SIPA1L1: variants seen among roughly 807,000 people sequenced by gnomAD.
SIPA1L1 encodes the protein signal-induced proliferation-associated 1-like protein 1.
Under a neutral mutation model 162.7 loss-of-function variants are expected in SIPA1L1, and 26 were observed. The ratio of observed to expected loss-of-function variants is 0.16; its 90% confidence interval spans 0.12 to 0.22. SIPA1L1 has a LOEUF of 0.22. Ranked by LOEUF, SIPA1L1 falls within the 10% of genes least tolerant of loss-of-function variation. The pLI, the probability that SIPA1L1 is intolerant of heterozygous loss-of-function variation, is 1.00. For missense variants in SIPA1L1, 1,874 were observed against 2,241.0 expected (o/e 0.84, Z 3.31); for synonymous variants, 829 against 837.4 (o/e 0.99, Z 0.17).
At position 71,435,687 on chromosome 14, in the gene SIPA1L1, A is replaced by G. The variant is rs567497943; in HGVS notation, c.-464-77056A>G. ...ATGATTTATAGTCCTTTGGGTATAT[A>G]CCCAGTAATGGGATGGCTGGGTCAA... On this transcript the variant is annotated intron_variant, in intron 2 of 23. Transcript: ENST00000381232. 7.9e-5 allele frequency among the ~76,000 whole-genome samples: 12 copies of G among 152,316 alleles called. No individual in the cohort carries two copies. The East Asian group carries it at 2.3e-3, about 29-fold the overall frequency.
chr14:71,622,376 T>C (rs767147224), intron 6 of SIPA1L1, among the ~76,000 whole-genome samples: 2 of 152,324 alleles, frequency 1.3e-5, no homozygotes, highest in South Asian at 4.1e-4. Context: ...AAGAAAAATA[T>C]CAGTAATACT....
At chr14:71,552,769 C>T (rs1353446322) in intron 4 of SIPA1L1, among the ~76,000 whole-genome samples, 2 of 152,132 alleles carry the variant, frequency 1.3e-5, no homozygotes, top group African/African-American at 4.8e-5. Flanking sequence ...TCATTCCATA[C>T]ATCAGTCTGT....
chr14:71,576,082 C>A (rs2032976919), intron 4 of SIPA1L1, among the ~76,000 whole-genome samples: 1 of 152,182 alleles, frequency 6.6e-6, no homozygotes, highest in Non-Finnish European at 1.5e-5. Context: ...TTCAAGGGTA[C>A]TAAGCTTAGG....
chr14:71,421,254 T>C (rs563219896), intron 2 of SIPA1L1, among the ~76,000 whole-genome samples: 1 of 152,342 alleles, frequency 6.6e-6, no homozygotes, highest in South Asian at 2.1e-4. Flanking sequence ...TTAAATCTTA[T>C]GGAATAATAG....
At chr14:71,458,740 A>G (rs987351934) in intron 2 of SIPA1L1, among the ~76,000 whole-genome samples, 1 of 152,084 alleles carries the variant, frequency 6.6e-6, no homozygotes, top group East Asian at 1.9e-4. Context: ...CTCCCTTGAC[A>G]TTGCAGTAAC....
chr14:71,609,939 A>C (rs1038134237), intron 5 of SIPA1L1, among the ~76,000 whole-genome samples: 2 of 152,118 alleles, frequency 1.3e-5, no homozygotes, highest in Admixed American at 6.5e-5. Context: ...ATACAAAGCA[A>C]ACCAAGCATA....
At chr14:71,611,989 A>G (rs998680933) in intron 5 of SIPA1L1, among the ~76,000 whole-genome samples, 1 of 152,206 alleles carries the variant, frequency 6.6e-6, no homozygotes, top group African/African-American at 2.4e-5. Context: ...TTTAAAAAAA[A>G]ATAGTTTAAA....
intron 5 of SIPA1L1, among the ~76,000 whole-genome samples, chr14:71,593,673 A>C (rs2035686692): frequency 6.6e-6 from 1 of 152,162 alleles, no homozygotes; most frequent in East Asian, 1.9e-4. Flanking sequence ...CTGTGGCCCC[A>C]CAGGACTTCT....
chr14:71,380,914 ATTTCACAAGTGAGGAAAAGTAGAAG>A (rs1264701497), intron 2 of SIPA1L1, among the ~76,000 whole-genome samples: 2 of 152,240 alleles, frequency 1.3e-5, no homozygotes. Context: ...CTTAAAGCAT[ATTTCACAAGTGAGGAAAAGTAGAAG>A]TTTCCCACCC....
chr14:71,481,747 C>T (rs1246559222), intron 2 of SIPA1L1, among the ~76,000 whole-genome samples: 1 of 152,208 alleles, frequency 6.6e-6, no homozygotes, highest in Admixed American at 6.5e-5. Context: ...GGGAAACTAA[C>T]TGTAGGTGAT....
intron 4 of SIPA1L1, among the ~76,000 whole-genome samples, chr14:71,572,794 A>C (rs2032324271): frequency 6.6e-6 from 1 of 152,238 alleles, no homozygotes; most frequent in Admixed American, 6.5e-5. Context: ...AATGAAAATA[A>C]ATGAAACTGT....
chr14:71,463,243 T>A (rs1458967132), intron 2 of SIPA1L1, among the ~76,000 whole-genome samples: 1 of 152,170 alleles, frequency 6.6e-6, no homozygotes, highest in Non-Finnish European at 1.5e-5. Context: ...CCCTCCATAA[T>A]AGCCCTCACC....
intron 2 of SIPA1L1, among the ~76,000 whole-genome samples, chr14:71,356,865 TCCTTGGTGAATACCACTGCAAGTCAAGA>T: frequency 6.6e-6 from 1 of 152,048 alleles, no homozygotes; most frequent in South Asian, 2.1e-4. Context: ...TTTTTTTTAA[TCCTTGGTGAATACCACTGCAAGTCAAGA>T]CCCATTCTTG....
At chr14:71,641,234 A>G (rs1294422122) in intron 7 of SIPA1L1, among the ~76,000 whole-genome samples, 1 of 152,064 alleles carries the variant, frequency 6.6e-6, no homozygotes, top group Non-Finnish European at 1.5e-5. Context: ...AAAGACAAGC[A>G]TTAAGATAAA....
At chr14:71,632,935 T>C (rs1246072336) in intron 7 of SIPA1L1, among the ~76,000 whole-genome samples, 3 of 152,260 alleles carry the variant, frequency 2.0e-5, no homozygotes, top group African/African-American at 7.2e-5. Context: ...ATATCCAAAA[T>C]GTCCAAAATT....
chr14:71,520,845 C>T (rs142038260), intron 3 of SIPA1L1, among the ~76,000 whole-genome samples: 1,695 of 152,228 alleles, frequency 0.011, 30 homozygotes, highest in African/African-American at 0.039. Context: ...CTCCATCTCC[C>T]AGGCTCAGGT....
At chr14:71,505,191 T>G (rs1427108618) in intron 2 of SIPA1L1, among the ~76,000 whole-genome samples, 2 of 152,186 alleles carry the variant, frequency 1.3e-5, no homozygotes, top group East Asian at 3.8e-4. Flanking sequence ...TGATCAACAA[T>G]TTATTTCCCC....
chr14:71,441,684 A>G (rs1047959123), intron 2 of SIPA1L1, among the ~76,000 whole-genome samples: 1 of 152,176 alleles, frequency 6.6e-6, no homozygotes, highest in Non-Finnish European at 1.5e-5. Context: ...ATCTCGGGTA[A>G]TTGTTCGTAT....
At chr14:71,665,370 A>G (rs1441441343) in intron 10 of SIPA1L1, among the ~76,000 whole-genome samples, 1 of 152,206 alleles carries the variant, frequency 6.6e-6, no homozygotes, top group Non-Finnish European at 1.5e-5. Context: ...CTAATTCCAG[A>G]GGCCAGTTAA....
Sources: gnomAD v4.1 joint callset for allele counts (sites outside exome capture counted in the v4.1 genomes callset) on GRCh38, gnomAD v4.1.1 for gene constraint, MANE v1.5 for transcripts, NCBI Gene and HGNC (gene_info 2026-07-23, HGNC 2026-07-21) for gene names.